HS3ST2: variants seen among roughly 807,000 people sequenced by gnomAD.
HS3ST2 encodes heparan sulfate-glucosamine 3-sulfotransferase 2, also known as heparan sulfate glucosamine 3-O-sulfotransferase 2.
HS3ST2 carries 17 observed loss-of-function variants against 26.3 expected under a neutral mutation model. The observed-to-expected ratio is 0.65, with a 90% CI of 0.44 to 0.97. HS3ST2 has a LOEUF of 0.97. HS3ST2 is among the 50% of genes least tolerant of loss of function. HS3ST2 has a pLI of 0.00. For synonymous variants in HS3ST2, 237 were observed against 219.2 expected, an observed-to-expected ratio of 1.08 and a Z score of -0.72; for missense variants, 402 against 501.2, an observed-to-expected ratio of 0.80 and a Z score of 1.89.
intron 1 of HS3ST2, among the ~76,000 whole-genome samples, chr16:22,902,511 C>T (rs533308277): frequency 2.6e-5 from 4 of 152,334 alleles, no homozygotes; most frequent in Admixed American, 6.5e-5. Context: ...GCAAATACTG[C>T]AATGAACACC....
rs773651840 is a variant in HS3ST2 at position 22,831,627 on chromosome 16, G to A, written c.485+16532G>A. ...TTTTACAATCTCAGTTTAAATCACC[G>A]ATGAGAAGTCTTTGTTTATTGTTCC... On this transcript the variant is annotated intron_variant, in intron 1 of 1. Transcript: ENST00000261374. Among the ~76,000 whole-genome samples the A allele has an allele frequency of 2.6e-5, 4 of 151,184 alleles. No homozygotes were observed. In the South Asian group the frequency reaches 6.3e-4, roughly 24 times the overall value.
chr16:22,843,025 T>C (rs1177275765), intron 1 of HS3ST2, among the ~76,000 whole-genome samples: 1 of 152,182 alleles, frequency 6.6e-6, no homozygotes, highest in African/African-American at 2.4e-5. Context: ...GTATCTCAAG[T>C]TCTGAGGAAG....
intron 1 of HS3ST2, among the ~76,000 whole-genome samples, chr16:22,840,240 C>A (rs1463573242): frequency 6.6e-6 from 1 of 152,238 alleles, no homozygotes; most frequent in Non-Finnish European, 1.5e-5. Flanking sequence ...CACAAGATTT[C>A]TCCAAGACTT....
intron 1 of HS3ST2, among the ~76,000 whole-genome samples, chr16:22,866,669 C>A (rs1315987326): frequency 6.6e-6 from 1 of 151,962 alleles, no homozygotes; most frequent in African/African-American, 2.4e-5. Flanking sequence ...GACAAGGTGG[C>A]ATGCACCTGT....
chr16:22,831,731 A>G (rs1029812005), intron 1 of HS3ST2, among the ~76,000 whole-genome samples: 3 of 152,166 alleles, frequency 2.0e-5, no homozygotes, highest in African/African-American at 7.2e-5. Context: ...TTTCCTTTCT[A>G]TAACACTCTC....
intron 1 of HS3ST2, among the ~76,000 whole-genome samples, chr16:22,895,865 C>A (rs1363968619): frequency 6.6e-6 from 1 of 152,004 alleles, no homozygotes; most frequent in Non-Finnish European, 1.5e-5. Context: ...GACAGTATCT[C>A]TTAGTAAAGA....
intron 1 of HS3ST2, among the ~76,000 whole-genome samples, chr16:22,859,339 AAAC>A (rs1901644969): frequency 6.6e-6 from 1 of 152,226 alleles, no homozygotes; most frequent in Admixed American, 6.5e-5. Flanking sequence ...CAAACTGTGC[AAAC>A]TGCCTCTAAT....
In HS3ST2 at chr16:22,834,607, C is replaced by T. The variant is rs571282899; in HGVS notation, c.485+19512C>T. On this transcript the variant is annotated intron_variant, in intron 1 of 1. Coordinates refer to ENST00000261374, the MANE Select transcript of HS3ST2 (RefSeq NM_006043.2). ...ACAATGAAAGGACAGCAGCAAGTAT[C>T]GTACCCAATGATTTTCCTCAGAATA... 9.2e-5 allele frequency among the ~76,000 whole-genome samples: 14 copies of T among 152,080 alleles called. No individual in the cohort carries two copies. In the East Asian group the frequency reaches 2.5e-3, roughly 27 times the overall value.
chr16:22,866,319 GCGCGCGCGCA>G (rs1567491675), intron 1 of HS3ST2, among the ~76,000 whole-genome samples: 2 of 147,774 alleles, frequency 1.4e-5, no homozygotes, highest in East Asian at 4.0e-4. Context: ...AAGCACGTGC[GCGCGCGCGCA>G]CACACACACA....
chr16:22,853,559 T>A (rs1901547752), intron 1 of HS3ST2, among the ~76,000 whole-genome samples: 1 of 152,184 alleles, frequency 6.6e-6, no homozygotes, highest in Non-Finnish European at 1.5e-5. Context: ...ACTCCCATGA[T>A]AATGATAAGT....
chr16:22,894,069 C>A (rs2141201902), intron 1 of HS3ST2, among the ~76,000 whole-genome samples: 1 of 152,316 alleles, frequency 6.6e-6, no homozygotes, highest in Non-Finnish European at 1.5e-5. Context: ...GATCTGCTGT[C>A]CTTGGCCTCC....
rs1359497686 is a variant in HS3ST2 at position 22,916,111 on chromosome 16, C to T, written c.*549C>T. ...AGCACCTCCGGCCACTCCTGGGAGA[C>T]AGACCCTTTGGTGATGAAATAAACC... On this transcript the variant is annotated 3_prime_UTR_variant, in exon 2 of 2. Coordinates refer to ENST00000261374, the MANE Select transcript of HS3ST2 (RefSeq NM_006043.2). 1 of 154,492 alleles carries T rather than the reference C, an allele frequency of 6.5e-6. No individual in the cohort carries two copies. Among genetic ancestry groups the T allele is most frequent in the African/African-American group, 2.4e-5 (1 of 41,472 alleles). 9.6% of individuals were successfully genotyped at this position (154,492 alleles called of 1,614,324 possible). A position where few individuals can be genotyped will look rare whatever the true frequency, so the allele number is the denominator to read the frequency against.
intron 1 of HS3ST2, among the ~76,000 whole-genome samples, chr16:22,880,562 T>G (rs1901975940): frequency 6.6e-6 from 1 of 152,258 alleles, no homozygotes; most frequent in African/African-American, 2.4e-5. Flanking sequence ...CGATCCCCTA[T>G]TTGGCTGGTA....
At chr16:22,899,317 A>T (rs1902251346) in intron 1 of HS3ST2, among the ~76,000 whole-genome samples, 1 of 152,142 alleles carries the variant, frequency 6.6e-6, no homozygotes, top group African/African-American at 2.4e-5. Context: ...CCGGCTCCAT[A>T]CTCAGCCTAG....
intron 1 of HS3ST2, among the ~76,000 whole-genome samples, chr16:22,871,972 T>C (rs978312366): frequency 3.3e-5 from 5 of 152,216 alleles, no homozygotes; most frequent in African/African-American, 1.2e-4. Context: ...TACATTTCTT[T>C]TGGTACCAGT....
chr16:22,818,370 C>T (rs186467413), intron 1 of HS3ST2, among the ~76,000 whole-genome samples: 8 of 152,092 alleles, frequency 5.3e-5, no homozygotes, highest in African/African-American at 9.7e-5. Context: ...ATCCTAGAAA[C>T]GTGTTGTGAA....
At chr16:22,906,865 A>G (rs879363884) in intron 1 of HS3ST2, among the ~76,000 whole-genome samples, 5 of 152,212 alleles carry the variant, frequency 3.3e-5, no homozygotes, top group Non-Finnish European at 5.9e-5. Context: ...CCATTTACTG[A>G]GCACCTATGG....
chr16:22,815,990 A>G (rs1205666956), intron 1 of HS3ST2, among the ~76,000 whole-genome samples: 2 of 152,204 alleles, frequency 1.3e-5, no homozygotes, highest in East Asian at 1.9e-4. Flanking sequence ...TAGACTGTCT[A>G]TGCTTCCCAT....
chr16:22,875,234 G>T (rs1901898101), intron 1 of HS3ST2, among the ~76,000 whole-genome samples: 1 of 152,014 alleles, frequency 6.6e-6, no homozygotes, highest in African/African-American at 2.4e-5. Context: ...GCTGTACAAA[G>T]ATATTGAGCT....
Sources: gnomAD v4.1 joint callset for allele counts (sites outside exome capture counted in the v4.1 genomes callset) on GRCh38, gnomAD v4.1.1 for gene constraint, MANE v1.5 for transcripts, NCBI Gene and HGNC (gene_info 2026-07-23, HGNC 2026-07-21) for gene names.